The following DMTF1 variants were observed in gnomAD, a reference collection of about 807,000 sequenced individuals.
The protein encoded by DMTF1 is cyclin-D-binding Myb-like transcription factor 1.
Under a neutral mutation model 91.1 loss-of-function variants are expected in DMTF1, and 39 were observed. That is an observed-to-expected ratio of 0.43 (90% CI 0.33 to 0.56). The LOEUF is 0.56. Among genes scored for constraint, DMTF1 ranks in the 20% least tolerant of loss-of-function variants. DMTF1 has a pLI of 0.05. For synonymous variants in DMTF1, 338 were observed against 309.5 expected (o/e 1.09, Z -0.97); for missense variants, 750 against 914.5 (o/e 0.82, Z 2.32).
At chr7:87,170,909 A>G (rs750231079) in intron 4 of DMTF1, 86 bp from the exon 5 acceptor site, 3 of 841,028 alleles carry the variant, frequency 3.6e-6, no homozygotes, top group Admixed American at 4.3e-5. Flanking sequence ...AAATTAGATG[A>G]TCATGTTTTT....
At chr7:87,157,121 G>GA (rs1431252702) in intron 1 of DMTF1, among the ~76,000 whole-genome samples, 1 of 152,004 alleles carries the variant, frequency 6.6e-6, no homozygotes. Context: ...TGGGTCAGGA[G>GA]AAAAAAACAT....
At chr7:87,188,339 C>G (rs2129176311) in intron 13 of DMTF1, 38 bp downstream of exon 13, 1 of 1,606,226 alleles carries the variant, frequency 6.2e-7, no homozygotes. Context: ...GCTGTTTGAT[C>G]TATATGATTT....
At chr7:87,167,243 C>G (rs1171640757) in intron 4 of DMTF1, among the ~76,000 whole-genome samples, 1 of 152,148 alleles carries the variant, frequency 6.6e-6, no homozygotes, top group Non-Finnish European at 1.5e-5. Flanking sequence ...CGAGAAAGTT[C>G]TTAATGTGTT....
At chr7:87,168,107 GAC>G (rs1188706156) in intron 4 of DMTF1, among the ~76,000 whole-genome samples, 1 of 152,158 alleles carries the variant, frequency 6.6e-6, no homozygotes, top group Non-Finnish European at 1.5e-5. Context: ...ACATATGGAA[GAC>G]ACACTGAAGC....
chr7:87,157,586 C>G (rs1272980205), intron 1 of DMTF1, among the ~76,000 whole-genome samples: 3 of 152,036 alleles, frequency 2.0e-5, no homozygotes, highest in Non-Finnish European at 4.4e-5. Flanking sequence ...GATGGAAATA[C>G]CAGTCTAAGA....
At chr7:87,175,806 T>C (rs1796143177) in intron 7 of DMTF1, among the ~76,000 whole-genome samples, 1 of 152,122 alleles carries the variant, frequency 6.6e-6, no homozygotes, top group South Asian at 2.1e-4. Flanking sequence ...CTAAGATAAA[T>C]AGCCTCTGGA....
At position 87,193,179 on chromosome 7, in the gene DMTF1, TCTTTC is replaced by T. The variant is rs762676422; in HGVS notation, c.1495-14_1495-10del. 8.7e-6 allele frequency: 14 copies of T among 1,612,058 alleles called. No homozygotes were observed. Among genetic ancestry groups the T allele is most frequent in the Admixed American group, 5.0e-5 (3 of 59,790 alleles). On this transcript the variant is annotated splice_polypyrimidine_tract_variant and intron_variant, in intron 14 of 17. Coordinates refer to ENST00000331242, the MANE Select transcript of DMTF1 (RefSeq NM_001142327.2). ...AGTAGACTTAATCATTGTTAAACTA[TCTTTC>T]CTTTTTCCTTTAGTCTTTCCATCTA...
At chr7:87,174,199 C>T (rs1007288695) in intron 6 of DMTF1, among the ~76,000 whole-genome samples, 1 of 152,144 alleles carries the variant, frequency 6.6e-6, no homozygotes, top group Non-Finnish European at 1.5e-5. Flanking sequence ...CAATATTTAC[C>T]TTGCCCTAGA....
intron 1 of DMTF1, among the ~76,000 whole-genome samples, chr7:87,160,395 C>G (rs930543020): frequency 2.0e-5 from 3 of 151,976 alleles, no homozygotes; most frequent in Non-Finnish European, 4.4e-5. Flanking sequence ...CTGCCTCAGC[C>G]TCTCGAGTAG....
Position 87,184,523 on chromosome 7 carries a change from G to A in DMTF1, c.947G>A (p.Arg316His), listed in dbSNP as rs938193654. The change falls in exon 11 of 18, where the codon CGC (arginine) becomes CAC (histidine). Residue 316 changes from arginine (R) to histidine (H), a missense_variant. Physicochemically the swap from Arg to His is conservative, Grantham distance 29 (BLOSUM62 0). Transcript: ENST00000331242. ...GCTGTGGCTGAACGAGTCGGTACCC[G>A]CTCAGAAAAGCAATGTCGTTCTAAA... The part of the protein sequence containing the change: ...WAAVAERVGT[R>H]SEKQCRSKWL... The A allele has an allele frequency of 1.9e-6, 3 of 1,613,988 alleles. No homozygotes were observed. The highest frequency in any genetic ancestry group is 2.5e-6 in the Non-Finnish European group (3 of 1,179,948).
chr7:87,175,499 C>CT (rs1165622787), intron 7 of DMTF1, among the ~76,000 whole-genome samples: 4 of 152,116 alleles, frequency 2.6e-5, no homozygotes, highest in Non-Finnish European at 4.4e-5. Flanking sequence ...GCATGGATTG[C>CT]TTTAACAGTG....
intron 1 of DMTF1, chr7:87,154,528 A>T (rs1278538863): frequency 6.5e-6 from 1 of 152,682 alleles, no homozygotes; most frequent in Non-Finnish European, 1.5e-5. Flanking sequence ...ACATTTAATC[A>T]GTAAGTACTG....
chr7:87,160,928 A>G (rs1402370702), intron 1 of DMTF1, among the ~76,000 whole-genome samples: 2 of 152,112 alleles, frequency 1.3e-5, no homozygotes, highest in African/African-American at 4.8e-5. Flanking sequence ...ATCTTTAAAA[A>G]CAATGTGTAT....
chr7:87,171,560 A>G (rs1217553906), intron 5 of DMTF1, among the ~76,000 whole-genome samples: 1 of 152,178 alleles, frequency 6.6e-6, no homozygotes, highest in East Asian at 1.9e-4. Context: ...ATTAGAAACT[A>G]TTATAAGTCC....
intron 7 of DMTF1, 79 bp downstream of exon 7, chr7:87,174,748 C>T: frequency 2.2e-6 from 2 of 920,758 alleles, no homozygotes; most frequent in Non-Finnish European, 3.4e-6. Flanking sequence ...ATGTTGTGTG[C>T]ACTTATTAGG....
intron 12 of DMTF1, chr7:87,186,940 T>A (rs1798588912): frequency 6.6e-6 from 1 of 152,192 alleles, no homozygotes; most frequent in Non-Finnish European, 1.5e-5. Flanking sequence ...GTTGTATAAT[T>A]TCAAATATCT....
intron 10 of DMTF1, 54 bp from the exon 11 acceptor site, chr7:87,184,343 T>C (rs1440148452): frequency 2.0e-6 from 3 of 1,525,640 alleles, no homozygotes; most frequent in African/African-American, 2.7e-5. Flanking sequence ...GAGGGCTGAA[T>C]CAGATTTGTA....
chr7:87,194,909 T>G (rs1800928892), intron 17 of DMTF1, 81 bp downstream of exon 17: 22 of 1,495,990 alleles, frequency 1.5e-5, no homozygotes, highest in Non-Finnish European at 1.7e-5. Context: ...TGTTTCAGTC[T>G]TTCTTGATCC....
chr7:87,193,968 G>A lies in DMTF1; in HGVS notation c.1894G>A (p.Val632Ile), dbSNP rs1169175568. 1 of 1,613,352 alleles carries A rather than the reference G, an allele frequency of 6.2e-7. No individual in the cohort carries two copies. Among genetic ancestry groups the A allele is most frequent in the Non-Finnish European group, 8.5e-7 (1 of 1,179,612 alleles). The change falls in exon 16 of 18, where the codon GTA (valine) becomes ATA (isoleucine). Residue 632 changes from valine to isoleucine, a missense_variant. By Grantham distance (29) the Val-to-Ile change is conservative. Transcript: ENST00000331242. Reference sequence around the variant, plus strand: ...GGAGCCATCATTTAATGATGCTCATGTATCCAAATTCAGTGACCAAAATAG... The same window carrying A: ...GGAGCCATCATTTAATGATGCTCATATATCCAAATTCAGTGACCAAAATAG... ...TVEPSFNDAH[V>I]SKFSDQNSTE...
Sources: allele counts gnomAD v4.1 joint callset (sites outside exome capture counted in the v4.1 genomes callset), GRCh38; gene constraint gnomAD v4.1.1; transcripts MANE v1.5; gene names NCBI Gene and HGNC (gene_info 2026-07-23, HGNC 2026-07-21).